Variants in BMP6 observed in about 807,000 individuals in gnomAD.
The protein encoded by BMP6 is bone morphogenetic protein 6.
Under a neutral mutation model 54.1 loss-of-function variants are expected in BMP6, and 17 were observed. The observed-to-expected ratio is 0.31, with a 90% CI of 0.22 to 0.47. The LOEUF (loss-of-function observed/expected upper bound fraction) is 0.47. Among genes scored for constraint, BMP6 ranks in the 20% least tolerant of loss-of-function variants. BMP6 has a pLI of 1.00. For missense variants in BMP6, 720 were observed against 690.4 expected (o/e 1.04, Z -0.48); for synonymous variants, 328 against 291.2 (o/e 1.13, Z -1.28).
chr6:7,810,551 T>C (rs775511399), intron 1 of BMP6, among the ~76,000 whole-genome samples: 26 of 152,214 alleles, frequency 1.7e-4, no homozygotes, highest in Non-Finnish European at 3.1e-4. Context: ...ACATGGGAAG[T>C]CCCTGTACTT....
chr6:7,876,318 T>G (rs559221243), intron 4 of BMP6, among the ~76,000 whole-genome samples: 1 of 152,380 alleles, frequency 6.6e-6, no homozygotes, highest in Admixed American at 6.5e-5. Context: ...TTTCACTACA[T>G]GTGGCTAGAT....
intron 1 of BMP6, among the ~76,000 whole-genome samples, chr6:7,754,275 G>A (rs1464000145): frequency 6.6e-6 from 1 of 152,002 alleles, no homozygotes; most frequent in African/African-American, 2.4e-5. Flanking sequence ...GTGCCACCAT[G>A]CCTAATTTTT....
chr6:7,747,021 C>T (rs9505275), intron 1 of BMP6, among the ~76,000 whole-genome samples: 3,599 of 152,296 alleles, frequency 0.024, 133 homozygotes, highest in African/African-American at 0.081. Context: ...ACACACTCTC[C>T]TCCTTTCTAC....
rs763711904 is a variant in BMP6, at chr6:7,861,545, G to A, written c.952G>A (p.Val318Ile). The change falls in exon 3 of 7, where the codon GTT (valine) becomes ATT (isoleucine). Residue 318 changes from valine (V) to isoleucine (I), a missense_variant. Physicochemically the swap from Val to Ile is conservative, Grantham distance 29 (BLOSUM62 3). Coordinates refer to ENST00000283147, the MANE Select transcript of BMP6 (RefSeq NM_001718.6). ...FDITATSNLWVVTPQHNMGLQ... is the reference protein window; with the variant it reads ...FDITATSNLWIVTPQHNMGLQ... ...CATCACGGCCACTAGCAATCTGTGG[G>A]TTGTGACTCCACAGCATAACATGGG... The A allele has an allele frequency of 2.5e-6, 4 of 1,614,198 alleles. No homozygotes were observed. The highest frequency in any genetic ancestry group is 2.7e-5 in the African/African-American group (2 of 75,048).
At chr6:7,772,062 A>AC (rs1554119965) in intron 1 of BMP6, among the ~76,000 whole-genome samples, 4 of 149,232 alleles carry the variant, frequency 2.7e-5, no homozygotes, top group Admixed American at 6.7e-5. Flanking sequence ...AAAAAAAAAA[A>AC]CCAAAAAAAC....
intron 1 of BMP6, among the ~76,000 whole-genome samples, chr6:7,809,958 T>G (rs1297826816): frequency 1.4e-5 from 2 of 143,930 alleles, no homozygotes; most frequent in Non-Finnish European, 3.1e-5. Flanking sequence ...ACTTATATAT[T>G]TATTCACTGA....
chr6:7,762,166 C>G (rs775621712), intron 1 of BMP6, among the ~76,000 whole-genome samples: 1 of 152,216 alleles, frequency 6.6e-6, no homozygotes, highest in Non-Finnish European at 1.5e-5. Flanking sequence ...AAATGATCCA[C>G]CTACCTCAGC....
chr6:7,803,306 G>A (rs1210352378), intron 1 of BMP6, among the ~76,000 whole-genome samples: 3 of 151,994 alleles, frequency 2.0e-5, no homozygotes, highest in Non-Finnish European at 4.4e-5. Context: ...TAGCTTCCTT[G>A]AAAAAAAGTC....
intron 1 of BMP6, among the ~76,000 whole-genome samples, chr6:7,802,185 A>C (rs1038671402): frequency 6.6e-6 from 1 of 152,218 alleles, no homozygotes; most frequent in Non-Finnish European, 1.5e-5. Flanking sequence ...GTCTGTTATT[A>C]AAGAAAAAGC....
intron 1 of BMP6, among the ~76,000 whole-genome samples, chr6:7,781,965 G>T (rs2113170107): frequency 6.6e-6 from 1 of 151,594 alleles, no homozygotes; most frequent in South Asian, 2.1e-4. Context: ...GGATGGTAGG[G>T]GCTGCCTTGA....
chr6:7,754,954 G>A (rs899442229), intron 1 of BMP6, among the ~76,000 whole-genome samples: 4 of 152,104 alleles, frequency 2.6e-5, no homozygotes, highest in African/African-American at 7.2e-5. Context: ...TCATGACCTC[G>A]TGATCTGCCT....
At chr6:7,796,960 T>C (rs1199528579) in intron 1 of BMP6, among the ~76,000 whole-genome samples, 1 of 152,244 alleles carries the variant, frequency 6.6e-6, no homozygotes, top group Admixed American at 6.5e-5. Flanking sequence ...AGAACTCCAA[T>C]GCGTTGTTTC....
intron 1 of BMP6, among the ~76,000 whole-genome samples, chr6:7,832,887 C>G (rs983794709): frequency 1.3e-5 from 2 of 150,650 alleles, no homozygotes; most frequent in African/African-American, 4.9e-5. Context: ...TGTGGTGGGA[C>G]AAATAGAGCA....
intron 1 of BMP6, among the ~76,000 whole-genome samples, chr6:7,732,999 A>G (rs750432227): frequency 4.6e-5 from 7 of 151,918 alleles, no homozygotes; most frequent in Non-Finnish European, 8.8e-5. Context: ...CCTGGGTTCA[A>G]TCAATTCTCC....
chr6:7,792,841 C>A (rs1252810470), intron 1 of BMP6, among the ~76,000 whole-genome samples: 1 of 152,138 alleles, frequency 6.6e-6, no homozygotes, highest in Non-Finnish European at 1.5e-5. Flanking sequence ...AGAGGGAAAC[C>A]AAAGACAAGA....
At chr6:7,771,203 C>T (rs1417823023) in intron 1 of BMP6, among the ~76,000 whole-genome samples, 5 of 152,204 alleles carry the variant, frequency 3.3e-5, no homozygotes, top group African/African-American at 7.2e-5. Flanking sequence ...GTACCTGACA[C>T]GTAGTAAATG....
chr6:7,764,305 G>A (rs1205088056), intron 1 of BMP6, among the ~76,000 whole-genome samples: 1 of 152,174 alleles, frequency 6.6e-6, no homozygotes, highest in Non-Finnish European at 1.5e-5. Flanking sequence ...TGGAGGTGGT[G>A]GAAGGGAACT....
At chr6:7,735,243 G>A (rs1268247676) in intron 1 of BMP6, among the ~76,000 whole-genome samples, 1 of 152,168 alleles carries the variant, frequency 6.6e-6, no homozygotes, top group Non-Finnish European at 1.5e-5. Context: ...TTGTTGCTGT[G>A]TTTACAGTCC....
chr6:7,868,425 C>T (rs115170124), intron 4 of BMP6, among the ~76,000 whole-genome samples: 11 of 152,306 alleles, frequency 7.2e-5, no homozygotes, highest in East Asian at 1.9e-4. Context: ...GCACCTGCTG[C>T]GCGTTCTTCA....
Sources: gnomAD v4.1 joint callset for allele counts (sites outside exome capture counted in the v4.1 genomes callset) on GRCh38, gnomAD v4.1.1 for gene constraint, MANE v1.5 for transcripts, NCBI Gene and HGNC (gene_info 2026-07-23, HGNC 2026-07-21) for gene names.